UBE4B: variants seen among roughly 807,000 people sequenced by gnomAD.
UBE4B encodes ubiquitin conjugation factor E4 B.
Under a neutral mutation model 148.1 loss-of-function variants are expected in UBE4B, and 27 were observed. The ratio of observed to expected loss-of-function variants is 0.18; its 90% CI spans 0.13 to 0.25. The LOEUF is 0.25. Ranked by LOEUF, UBE4B falls within the 10% of genes least tolerant of loss-of-function variation. The pLI is 1.00. For synonymous variants in UBE4B, 596 were observed against 619.3 expected (o/e 0.96, Z 0.56); for missense variants, 1,170 against 1,662.4 (o/e 0.70, Z 5.15).
intron 2 of UBE4B, among the ~76,000 whole-genome samples, chr1:10,085,994 CAG>C (rs1644758968): frequency 6.6e-6 from 1 of 151,248 alleles, no homozygotes; most frequent in East Asian, 1.9e-4. Flanking sequence ...TTTTTTGAGA[CAG>C]AGTCTCGCTC....
chr1:10,156,222 T>C (rs868439045), intron 21 of UBE4B, among the ~76,000 whole-genome samples: 23 of 148,718 alleles, frequency 1.5e-4, no homozygotes, highest in South Asian at 4.2e-4. Context: ...GTATATTGTT[T>C]TGTTTCATTT....
chr1:10,142,792 C>A (rs1179658330), intron 17 of UBE4B, among the ~76,000 whole-genome samples: 1 of 152,128 alleles, frequency 6.6e-6, no homozygotes, highest in African/African-American at 2.4e-5. Context: ...CCCACCCCAC[C>A]TTACTGTATT....
chr1:10,081,265 G>A (rs1644675369), intron 2 of UBE4B, among the ~76,000 whole-genome samples: 1 of 150,382 alleles, frequency 6.6e-6, no homozygotes, highest in African/African-American at 2.4e-5. Context: ...TCTCTATGTT[G>A]GTCAGGCTGG....
intron 2 of UBE4B, among the ~76,000 whole-genome samples, chr1:10,089,555 T>A (rs973992022): frequency 2.0e-5 from 3 of 151,888 alleles, no homozygotes; most frequent in Non-Finnish European, 4.4e-5. Context: ...CCAAATAAAG[T>A]GCAAGTATAC....
intron 5 of UBE4B, among the ~76,000 whole-genome samples, chr1:10,105,219 A>G (rs1432891683): frequency 1.3e-5 from 2 of 152,194 alleles, no homozygotes; most frequent in African/African-American, 2.4e-5. Context: ...TTTCTTTTTA[A>G]TAAACTTTTA....
intron 1 of UBE4B, among the ~76,000 whole-genome samples, chr1:10,046,879 CCCTTT>C (rs1643923679): frequency 6.6e-6 from 1 of 152,192 alleles, no homozygotes; most frequent in African/African-American, 2.4e-5. Context: ...AGACTGTATT[CCCTTT>C]CATCTTTGCA....
At chr1:10,105,827 G>GA in intron 6 of UBE4B, 83 bp downstream of exon 6, 9 of 1,358,544 alleles carry the variant, frequency 6.6e-6, no homozygotes, top group Non-Finnish European at 9.2e-6. Context: ...TGTTGACAGT[G>GA]TTAATCAGTG....
intron 17 of UBE4B, among the ~76,000 whole-genome samples, chr1:10,142,815 A>G (rs1645804639): frequency 6.6e-6 from 1 of 152,034 alleles, no homozygotes; most frequent in African/African-American, 2.4e-5. Flanking sequence ...CAAAGCCAGC[A>G]ACATAGTATC....
At chr1:10,117,405 T>A (rs1472344325) in intron 7 of UBE4B, 54 bp from the exon 8 acceptor site, 2 of 1,605,668 alleles carry the variant, frequency 1.2e-6, no homozygotes, top group Admixed American at 3.5e-5. Context: ...ATGCAAACTC[T>A]GCCAAAAATA....
Position 10,117,343 on chromosome 1 carries a change from G to A in UBE4B, c.1197-116G>A, listed in dbSNP as rs922495636. On this transcript the variant is annotated intron_variant, in intron 7 of 27. Transcript: ENST00000343090. ...CAGGGTGGATCTTGGCCGCATGGGT[G>A]TTTGTGCTTTGTTATGTGTACAGGG... 8 of 1,362,918 alleles carry A rather than the reference G, an allele frequency of 5.9e-6. No individual in the cohort carries two copies. The African/African-American group carries it at 1.0e-4, about 18-fold the overall frequency. The allele number at this position is 1,362,918 out of a possible 1,614,324, so 84.4% of individuals were successfully genotyped here.
intron 10 of UBE4B, among the ~76,000 whole-genome samples, chr1:10,125,757 CATGGTGTTACCTGGTATTA>C (rs1311181940): frequency 1.3e-5 from 2 of 152,184 alleles, no homozygotes; most frequent in African/African-American, 4.8e-5. Context: ...GTAAATCTTA[CATGGTGTTACCTGGTATTA>C]ATCATAAATG....
At chr1:10,102,601 G>A (rs1348188440) in intron 4 of UBE4B, among the ~76,000 whole-genome samples, 4 of 151,602 alleles carry the variant, frequency 2.6e-5, no homozygotes. Flanking sequence ...AGTAGAGACA[G>A]GGTTTCACCA....
intron 9 of UBE4B, among the ~76,000 whole-genome samples, chr1:10,120,858 T>C (rs1645398413): frequency 6.6e-6 from 1 of 151,896 alleles, no homozygotes; most frequent in Non-Finnish European, 1.5e-5. Flanking sequence ...TAATACTAAA[T>C]AAATAAAAAT....
At chr1:10,048,435 T>C (rs1364715909) in intron 1 of UBE4B, among the ~76,000 whole-genome samples, 2 of 152,058 alleles carry the variant, frequency 1.3e-5, no homozygotes, top group East Asian at 1.9e-4. Context: ...ATCATGAGAA[T>C]GGACAGATTT....
chr1:10,130,466 A>C (rs754563150), intron 12 of UBE4B, 34 bp from the exon 13 acceptor site: 2 of 1,578,736 alleles, frequency 1.3e-6, no homozygotes, highest in Non-Finnish European at 1.7e-6. Context: ...CGGCCTGTTC[A>C]GCGGCTTGAC....
intron 3 of UBE4B, 80 bp downstream of exon 3, chr1:10,095,676 A>G (rs1319566948): frequency 1.3e-6 from 2 of 1,561,702 alleles, no homozygotes; most frequent in Non-Finnish European, 1.7e-6. Flanking sequence ...TCTAGTCCAT[A>G]GTCAGAAATG....
chr1:10,070,116 A>C (rs535290702), intron 1 of UBE4B, among the ~76,000 whole-genome samples: 1 of 151,986 alleles, frequency 6.6e-6, no homozygotes, highest in South Asian at 2.1e-4. Context: ...GTCTACAAAA[A>C]ATTAAAAATT....
intron 17 of UBE4B, 53 bp from the exon 18 acceptor site, chr1:10,144,887 G>A: frequency 7.3e-7 from 1 of 1,371,950 alleles, no homozygotes; most frequent in Non-Finnish European, 1.0e-6. Flanking sequence ...AGATGAATGG[G>A]TAAGATGGAT....
intron 9 of UBE4B, among the ~76,000 whole-genome samples, chr1:10,119,978 A>G (rs1306145294): frequency 6.8e-6 from 1 of 146,898 alleles, no homozygotes; most frequent in Non-Finnish European, 1.5e-5. Context: ...ATCACCTTCC[A>G]TGTATAACAC....
Sources: allele counts gnomAD v4.1 joint callset (sites outside exome capture counted in the v4.1 genomes callset), GRCh38; gene constraint gnomAD v4.1.1; transcripts MANE v1.5; gene names NCBI Gene and HGNC (gene_info 2026-07-23, HGNC 2026-07-21).